FNDC3A: variants seen among roughly 807,000 people sequenced by gnomAD.
FNDC3A encodes the protein fibronectin type-III domain-containing protein 3A.
FNDC3A carries 32 observed loss-of-function variants against 148.9 expected under a neutral mutation model. The observed-to-expected ratio is 0.21, with a 90% CI of 0.16 to 0.29. FNDC3A has a LOEUF of 0.29. Ranked by LOEUF, FNDC3A falls within the 10% of genes least tolerant of loss-of-function variation. The probability of loss-of-function intolerance (pLI) is 1.00; values close to 1 mark genes in which losing one functional copy is unlikely to be tolerated. For missense variants in FNDC3A, 1,191 were observed against 1,452.8 expected, an observed-to-expected ratio of 0.82 and a Z score of 2.93; for synonymous variants, 472 against 473.6, an observed-to-expected ratio of 1.00 and a Z score of 0.04.
intron 2 of FNDC3A, among the ~76,000 whole-genome samples, chr13:49,006,511 G>A (rs1258341727): frequency 2.0e-5 from 3 of 151,892 alleles, no homozygotes; most frequent in Non-Finnish European, 2.9e-5. Flanking sequence ...TGTATATTTA[G>A]TTGCCATTCA....
chr13:49,059,199 A>G (rs866423600), intron 2 of FNDC3A, among the ~76,000 whole-genome samples: 3 of 152,226 alleles, frequency 2.0e-5, no homozygotes, highest in African/African-American at 7.2e-5. Context: ...GCCTCACATC[A>G]TATACAAAAA....
intron 8 of FNDC3A, among the ~76,000 whole-genome samples, chr13:49,149,278 G>A (rs1054267043): frequency 1.2e-4 from 18 of 151,488 alleles, no homozygotes; most frequent in African/African-American, 4.1e-4. Flanking sequence ...TGTCTTGTTC[G>A]AGTTCTTAGA....
At chr13:49,185,858 AT>A in intron 14 of FNDC3A, 105 bp from the exon 15 acceptor site, 1 of 835,826 alleles carries the variant, frequency 1.2e-6, no homozygotes, top group Non-Finnish European at 1.9e-6. Context: ...AAAAAAATGT[AT>A]TTTATCATTT....
At chr13:49,193,261 CAG>C (rs1555304873) in intron 19 of FNDC3A, among the ~76,000 whole-genome samples, 1 of 152,076 alleles carries the variant, frequency 6.6e-6, no homozygotes, top group Non-Finnish European at 1.5e-5. Flanking sequence ...TGTGTATAGA[CAG>C]ATAGACAGAC....
intron 1 of FNDC3A, among the ~76,000 whole-genome samples, chr13:49,003,196 G>A (rs903073744): frequency 6.6e-6 from 1 of 152,124 alleles, no homozygotes; most frequent in African/African-American, 2.4e-5. Context: ...CTCCCAAGTA[G>A]CTGGAATTAC....
At chr13:49,186,209 C>A in intron 15 of FNDC3A, 107 bp downstream of exon 15, 1 of 939,582 alleles carries the variant, frequency 1.1e-6, no homozygotes, top group Non-Finnish European at 1.6e-6. Context: ...TATCTCAAGC[C>A]AGTCCAAAAA....
At chr13:49,073,672 T>TAC (rs957901384) in intron 2 of FNDC3A, among the ~76,000 whole-genome samples, 7 of 147,614 alleles carry the variant, frequency 4.7e-5, no homozygotes, top group African/African-American at 1.5e-4. Context: ...TATATATATA[T>TAC]ACACACATAT....
chr13:48,978,646 G>GA (rs1320560584), intron 1 of FNDC3A, among the ~76,000 whole-genome samples: 6 of 150,902 alleles, frequency 4.0e-5, no homozygotes, highest in Non-Finnish European at 1.5e-5. Flanking sequence ...AGTGTTTCTG[G>GA]TTTTTTTTTG....
At chr13:49,019,880 T>G (rs1002863006) in intron 2 of FNDC3A, among the ~76,000 whole-genome samples, 1 of 152,202 alleles carries the variant, frequency 6.6e-6, no homozygotes, top group Non-Finnish European at 1.5e-5. Flanking sequence ...TTTGGTTAAA[T>G]TTGTGTTTGT....
At chr13:49,105,844 T>G (rs915990401) in intron 3 of FNDC3A, among the ~76,000 whole-genome samples, 3 of 152,226 alleles carry the variant, frequency 2.0e-5, no homozygotes, top group African/African-American at 4.8e-5. Flanking sequence ...TGCAAAATGG[T>G]TGTACCATAT....
chr13:49,138,410 A>G (rs1423049450), intron 6 of FNDC3A, among the ~76,000 whole-genome samples: 1 of 152,146 alleles, frequency 6.6e-6, no homozygotes, highest in Non-Finnish European at 1.5e-5. Flanking sequence ...GAGATTGACA[A>G]ATGAGAACTT....
intron 2 of FNDC3A, among the ~76,000 whole-genome samples, chr13:49,031,605 A>G (rs984500852): frequency 5.3e-5 from 8 of 152,204 alleles, no homozygotes; most frequent in African/African-American, 1.9e-4. Context: ...AATAGGACCT[A>G]TACTTCATAC....
chr13:49,096,308 T>G (rs1879522326), intron 3 of FNDC3A, among the ~76,000 whole-genome samples: 1 of 152,124 alleles, frequency 6.6e-6, no homozygotes, highest in Non-Finnish European at 1.5e-5. Flanking sequence ...AGAGTTAGCA[T>G]TGGATTCTCT....
intron 7 of FNDC3A, among the ~76,000 whole-genome samples, chr13:49,144,426 T>G (rs1173034768): frequency 1.3e-5 from 2 of 152,204 alleles, no homozygotes; most frequent in African/African-American, 4.8e-5. Context: ...AATGTTACAA[T>G]TTTATGGAGA....
At chr13:49,024,710 A>G (rs1873574131) in intron 2 of FNDC3A, among the ~76,000 whole-genome samples, 1 of 151,996 alleles carries the variant, frequency 6.6e-6, no homozygotes, top group African/African-American at 2.4e-5. Flanking sequence ...ACCCTCAATA[A>G]ATTAGGTACA....
chr13:49,158,064 C>A (rs546010284), intron 8 of FNDC3A, among the ~76,000 whole-genome samples: 14 of 152,248 alleles, frequency 9.2e-5, no homozygotes, highest in African/African-American at 2.6e-4. Flanking sequence ...TCGAGCTTCC[C>A]GGCTGCTTTG....
chr13:49,104,583 C>A (rs1485072920), intron 3 of FNDC3A, among the ~76,000 whole-genome samples: 1 of 151,998 alleles, frequency 6.6e-6, no homozygotes, highest in Non-Finnish European at 1.5e-5. Flanking sequence ...TTGGAGACTT[C>A]CATTTCAAGT....
chr13:49,134,167 A>G (rs1882193273), intron 5 of FNDC3A, among the ~76,000 whole-genome samples: 1 of 152,236 alleles, frequency 6.6e-6, no homozygotes, highest in South Asian at 2.1e-4. Context: ...GCATATTAAC[A>G]GTCAGTCCCA....
intron 7 of FNDC3A, among the ~76,000 whole-genome samples, chr13:49,144,291 A>C (rs1187120609): frequency 6.6e-6 from 1 of 152,162 alleles, no homozygotes. Flanking sequence ...AATGAAACAC[A>C]GTACCAAGAC....
Sources: allele counts gnomAD v4.1 joint callset (sites outside exome capture counted in the v4.1 genomes callset), GRCh38; gene constraint gnomAD v4.1.1; transcripts MANE v1.5; gene names NCBI Gene and HGNC (gene_info 2026-07-23, HGNC 2026-07-21).